Variants in SLC35F4 observed in about 807,000 individuals in gnomAD.
SLC35F4 encodes the protein chromosome 14 open reading frame 36.
SLC35F4 carries 24 observed loss-of-function variants against 44.2 expected under a neutral mutation model. That is an observed-to-expected ratio of 0.54 (90% CI 0.39 to 0.76). The LOEUF is 0.76. Ranked by LOEUF, SLC35F4 falls within the 30% of genes least tolerant of loss-of-function variation. SLC35F4 has a pLI of 0.00. For missense variants in SLC35F4, 562 were observed against 586.1 expected, an observed-to-expected ratio of 0.96 and a Z score of 0.42; for synonymous variants, 238 against 223.6, an observed-to-expected ratio of 1.06 and a Z score of -0.57.
chr14:57,583,118 C>G (rs1490810380), intron 3 of SLC35F4, among the ~76,000 whole-genome samples: 1 of 152,160 alleles, frequency 6.6e-6, no homozygotes, highest in South Asian at 2.1e-4. Flanking sequence ...AACTTTAAAG[C>G]CTTCTGTAAT....
chr14:57,720,810 A>G (rs1467038699), intron 1 of SLC35F4, among the ~76,000 whole-genome samples: 6 of 151,738 alleles, frequency 4.0e-5, no homozygotes, highest in Non-Finnish European at 7.4e-5. Flanking sequence ...AAAAGACTAG[A>G]CTAGTCTAGC....
At chr14:57,829,323 G>A (rs7157714) in intron 1 of SLC35F4, among the ~76,000 whole-genome samples, 1,993 of 152,302 alleles carry the variant, frequency 0.013, 46 homozygotes, top group African/African-American at 0.044. Context: ...GGTCTGGGTC[G>A]TGGGGGAAGG....
chr14:57,787,312 G>T (rs2077790068), intron 1 of SLC35F4, among the ~76,000 whole-genome samples: 1 of 152,172 alleles, frequency 6.6e-6, no homozygotes, highest in East Asian at 1.9e-4. Context: ...AAGAAGAAGA[G>T]AATTCTAAAA....
chr14:57,923,174 T>C lies in SLC35F4; in HGVS notation n.282+58739A>G, dbSNP rs1889475632. 2.0e-5 allele frequency among the ~76,000 whole-genome samples: 3 copies of C among 152,224 alleles called. No individual in the cohort carries two copies. In the South Asian group the frequency reaches 6.2e-4, roughly 32 times the overall value. Reference sequence around the variant, plus strand: ...TTTTAACCTCAAAGTCTATTTTTCATATAATCAGTTTCAAAATCCTTCAAA... The same window carrying C: ...TTTTAACCTCAAAGTCTATTTTTCACATAATCAGTTTCAAAATCCTTCAAA... On this transcript the variant is annotated intron_variant and non_coding_transcript_variant, in intron 1 of 1. Coordinates refer to the SLC35F4 transcript ENST00000556568.
At chr14:57,586,559 A>T (rs1446248310) in intron 3 of SLC35F4, among the ~76,000 whole-genome samples, 1 of 151,636 alleles carries the variant, frequency 6.6e-6, no homozygotes, top group Admixed American at 6.6e-5. Context: ...CTACTAAAAA[A>T]TACAAAAAAT....
chr14:57,594,098 A>C lies in SLC35F4; in HGVS notation c.130T>G (p.Cys44Gly). 1.9e-6 allele frequency: 3 copies of C among 1,613,898 alleles called. No homozygotes were observed. Among genetic ancestry groups the C allele is most frequent in the Non-Finnish European group, 2.5e-6 (3 of 1,179,850 alleles). ...KSTSRSSVTRCKPGANCPSSH... is the reference protein window; with the variant it reads ...KSTSRSSVTRGKPGANCPSSH... ...CTGGGGCAGTTGGCTCCTGGTTTAC[A>C]TCTAGTGACTGATGATCTGGAGGTA... is the stretch of plus-strand genomic sequence containing the variant. The change falls in exon 2 of 8, where the codon TGT becomes GGT. Residue 44 changes from cysteine (C) to glycine (G), a missense_variant. Physicochemically the swap from Cys to Gly is radical, Grantham distance 159 (BLOSUM62 -3). Coordinates refer to ENST00000556826, the MANE Select transcript of SLC35F4 (RefSeq NM_001306087.2).
intron 1 of SLC35F4, among the ~76,000 whole-genome samples, chr14:57,739,786 G>C (rs563622205): frequency 2.6e-5 from 4 of 152,324 alleles, no homozygotes; most frequent in African/African-American, 9.6e-5. Flanking sequence ...TACCTGACAA[G>C]TTCAGTGTGA....
intron 1 of SLC35F4, among the ~76,000 whole-genome samples, chr14:57,897,489 A>C (rs1284242240): frequency 6.6e-6 from 1 of 151,780 alleles, no homozygotes; most frequent in Non-Finnish European, 1.5e-5. Flanking sequence ...AAGCGACTGA[A>C]CTATAAACTC....
At chr14:57,824,280 A>G (rs868094831) in intron 1 of SLC35F4, among the ~76,000 whole-genome samples, 1 of 152,214 alleles carries the variant, frequency 6.6e-6, no homozygotes, top group African/African-American at 2.4e-5. Flanking sequence ...TATTTAATCG[A>G]CAAATGCTAA....
intron 1 of SLC35F4, among the ~76,000 whole-genome samples, chr14:57,749,516 G>A (rs1333974889): frequency 2.0e-5 from 3 of 149,640 alleles, no homozygotes; most frequent in Non-Finnish European, 4.5e-5. Flanking sequence ...TCTGTGACGG[G>A]TTTAAAAAAA....
At chr14:57,679,540 G>A (rs916193303) in intron 1 of SLC35F4, among the ~76,000 whole-genome samples, 5 of 152,070 alleles carry the variant, frequency 3.3e-5, no homozygotes, top group Middle Eastern at 3.4e-3. Context: ...AGAACTGAAG[G>A]AGAGAGCGAC....
chr14:57,879,688 A>G (rs1285567310), intron 1 of SLC35F4, among the ~76,000 whole-genome samples: 1 of 152,002 alleles, frequency 6.6e-6, no homozygotes, highest in Non-Finnish European at 1.5e-5. Context: ...TAAAACCTTT[A>G]ATGAGTTCCC....
intron 6 of SLC35F4, among the ~76,000 whole-genome samples, chr14:57,568,055 G>C (rs2068291727): frequency 6.6e-6 from 1 of 152,234 alleles, no homozygotes; most frequent in Non-Finnish European, 1.5e-5. Flanking sequence ...TAGGAGCACT[G>C]AAGACTGTAA....
At chr14:57,680,696 A>C (rs1025777284) in intron 1 of SLC35F4, among the ~76,000 whole-genome samples, 1 of 152,272 alleles carries the variant, frequency 6.6e-6, no homozygotes, top group South Asian at 2.1e-4. Context: ...TCCATGTGCA[A>C]AAATCACAAA....
chr14:57,861,564 T>C (rs1167937765), intron 1 of SLC35F4, among the ~76,000 whole-genome samples: 1 of 152,186 alleles, frequency 6.6e-6, no homozygotes, highest in Admixed American at 6.5e-5. Context: ...TTTCCAATTC[T>C]TCCCTCTAAT....
intron 1 of SLC35F4, among the ~76,000 whole-genome samples, chr14:57,916,631 T>C (rs1344342164): frequency 2.0e-5 from 3 of 152,204 alleles, no homozygotes; most frequent in Admixed American, 2.0e-4. Flanking sequence ...ACAACTTTTG[T>C]AGTTGTCCCA....
intron 1 of SLC35F4, among the ~76,000 whole-genome samples, chr14:57,822,812 C>T (rs1883316172): frequency 6.6e-6 from 1 of 152,118 alleles, no homozygotes; most frequent in African/African-American, 2.4e-5. Flanking sequence ...TTTTTCTCCA[C>T]CACTCTTGTG....
chr14:57,568,324 G>C (rs113352008), intron 6 of SLC35F4, among the ~76,000 whole-genome samples: 1 of 152,230 alleles, frequency 6.6e-6, no homozygotes, highest in Non-Finnish European at 1.5e-5. Context: ...GTATATGTTG[G>C]TGGAGGGCTA....
At chr14:57,629,528 C>A (rs2072659677) in intron 1 of SLC35F4, among the ~76,000 whole-genome samples, 1 of 152,004 alleles carries the variant, frequency 6.6e-6, no homozygotes, top group South Asian at 2.1e-4. Context: ...GTGCACAAAT[C>A]ACATAAGAAG....
Sources: allele counts gnomAD v4.1 joint callset (sites outside exome capture counted in the v4.1 genomes callset), GRCh38; gene constraint gnomAD v4.1.1; transcripts MANE v1.5; gene names NCBI Gene and HGNC (gene_info 2026-07-23, HGNC 2026-07-21).